The following MATR3 variants were observed in gnomAD, a reference collection of about 807,000 sequenced individuals.
The protein encoded by MATR3 is matrin 3, also known as matrin-3.
Under a neutral mutation model 85.5 loss-of-function variants are expected in MATR3, and 4 were observed. The ratio of observed to expected loss-of-function variants is 0.05; its 90% CI spans 0.02 to 0.11. MATR3 has a LOEUF of 0.11. MATR3 is among the 10% of genes least tolerant of loss of function. The probability of loss-of-function intolerance (pLI) is 1.00; values close to 1 mark genes in which losing one functional copy is unlikely to be tolerated. For missense variants in MATR3, 685 were observed against 1,016.1 expected (o/e 0.67, Z 4.43); for synonymous variants, 336 against 343.1 (o/e 0.98, Z 0.23).
chr5:139,303,392 G>C (rs192846472), intron 1 of MATR3, among the ~76,000 whole-genome samples: 6 of 152,242 alleles, frequency 3.9e-5, no homozygotes, highest in African/African-American at 1.4e-4. Context: ...GAGCCACTGC[G>C]CCCTGCCAGA....
chr5:139,276,666 AG>A (rs945564014), intron 2 of MATR3, among the ~76,000 whole-genome samples: 4 of 152,068 alleles, frequency 2.6e-5, no homozygotes, highest in African/African-American at 9.7e-5. Flanking sequence ...TAATGGGAAG[AG>A]GGGGTTGGTA....
chr5:139,307,154 C>A lies in MATR3; in HGVS notation c.-177-85C>A. ...GATCTTAAATGTTTTTTTTTTAAATCAACATGATGCATAAGTTTTTTTTTC... is the reference window on the plus strand; with the variant it reads ...GATCTTAAATGTTTTTTTTTTAAATAAACATGATGCATAAGTTTTTTTTTC... On this transcript the variant is annotated intron_variant, in intron 1 of 14. Transcript: ENST00000394805. The surrounding 1 kb of genome is among the most constrained non-coding windows in gnomAD (Gnocchi z 4.4). 1.1e-6 allele frequency: 1 copy of A among 931,174 alleles called. No individual in the cohort carries two copies. Among genetic ancestry groups the A allele is most frequent in the Non-Finnish European group, 1.3e-6 (1 of 742,760 alleles). The allele number at this position is 931,174 out of a possible 1,614,324, so 57.7% of individuals were successfully genotyped here.
At chr5:139,284,964 C>T (rs1305675265) in intron 3 of MATR3, among the ~76,000 whole-genome samples, 2 of 152,174 alleles carry the variant, frequency 1.3e-5, no homozygotes. Context: ...ACACTATTTA[C>T]TACATGTTGA....
chr5:139,327,304 G>GT (rs1194649334), intron 14 of MATR3, among the ~76,000 whole-genome samples: 11,349 of 119,058 alleles, frequency 0.095, 680 homozygotes, highest in African/African-American at 0.2. Context: ...TGTCACTTCT[G>GT]TTTTTTTTTT....
Position 139,330,257 on chromosome 5 carries a change from C to T in MATR3, c.*862C>T. ...TGGCCATAATCCTAGATGCACGCTT[C>T]TAATTCATGTACCTGCACATGTGAC... is the stretch of plus-strand genomic sequence containing the variant. On this transcript the variant is annotated 3_prime_UTR_variant, in exon 15 of 15. Transcript: ENST00000394805. The T allele has an allele frequency of 2.2e-6, 1 of 453,954 alleles. No individual in the cohort carries two copies. 28.1% of individuals were successfully genotyped at this position (453,954 alleles called of 1,614,324 possible).
intron 1 of MATR3, chr5:139,294,073 G>T: frequency 1.6e-6 from 2 of 1,261,362 alleles, no homozygotes; most frequent in Admixed American, 4.0e-5. Flanking sequence ...AAGGGCCCAG[G>T]GTGCGGCGGG....
Position 139,318,809 on chromosome 5 carries a change from G to A in MATR3, c.1309-99G>A, listed in dbSNP as rs79247048. On this transcript the variant is annotated intron_variant, in intron 7 of 14. Coordinates refer to ENST00000394805, the MANE Select transcript of MATR3 (RefSeq NM_018834.6). ...CTTAATGATTAAATATATCTGAAAAGATTTGGGGCATTGTTATTTTTTAGG... is the reference window on the plus strand; with the variant it reads ...CTTAATGATTAAATATATCTGAAAAAATTTGGGGCATTGTTATTTTTTAGG... 1.0e-4 allele frequency: 111 copies of A among 1,090,072 alleles called. 1 individual carries two copies. The East Asian group carries it at 2.6e-3, about 26-fold the overall frequency. The allele number at this position is 1,090,072 out of a possible 1,614,324, so 67.5% of individuals were successfully genotyped here. A position where few individuals can be genotyped will look rare whatever the true frequency, so the allele number is the denominator to read the frequency against.
chr5:139,320,962 T>C (rs193261964), intron 9 of MATR3, among the ~76,000 whole-genome samples: 7 of 147,992 alleles, frequency 4.7e-5, no homozygotes, highest in Non-Finnish European at 7.5e-5. Context: ...GGTTTCACCA[T>C]CCACAGGATG....
intron 12 of MATR3, among the ~76,000 whole-genome samples, chr5:139,325,095 A>T (rs2152020158): frequency 6.6e-6 from 1 of 152,194 alleles, no homozygotes; most frequent in East Asian, 1.9e-4. Flanking sequence ...CGGGAGGCTG[A>T]GGCAGGAGAA....
Position 139,274,209 on chromosome 5 carries a change from G to A in MATR3, c.-287+48G>A, listed in dbSNP as rs1286506171. 5 of 374,216 alleles carry A rather than the reference G, an allele frequency of 1.3e-5. No homozygotes were observed. In the Admixed American group the frequency reaches 1.8e-4, roughly 13 times the overall value. The allele number at this position is 374,216 out of a possible 1,614,324, so 23.2% of individuals were successfully genotyped here. A position where few individuals can be genotyped will look rare whatever the true frequency, so the allele number is the denominator to read the frequency against. ...GAGTCCTTGGAGGTTTCCCAGCCTG[G>A]GGAAAGAAGCAGTGCAGGGTGGCTT... On this transcript the variant is annotated intron_variant, in intron 1 of 16. Transcript: ENST00000509990.
At chr5:139,303,070 A>C (rs942525996) in intron 1 of MATR3, among the ~76,000 whole-genome samples, 2 of 149,912 alleles carry the variant, frequency 1.3e-5, no homozygotes, top group African/African-American at 4.9e-5. Flanking sequence ...TTTAATTCTG[A>C]CTACAAAGAC....
intron 2 of MATR3, chr5:139,312,910 C>A (rs552634853): frequency 6.6e-6 from 1 of 152,248 alleles, no homozygotes; most frequent in African/African-American, 2.4e-5. Context: ...CCTTGGCCTT[C>A]CAAAGTGCTG....
intron 2 of MATR3, chr5:139,278,244 T>TACAC (rs1300484797): frequency 4.6e-6 from 2 of 435,730 alleles, no homozygotes; most frequent in African/African-American, 4.1e-5. Context: ...TATATATATA[T>TACAC]ATATACACAC....
chr5:139,302,635 T>C (rs1754509968), intron 1 of MATR3, among the ~76,000 whole-genome samples: 2 of 152,238 alleles, frequency 1.3e-5, no homozygotes, highest in African/African-American at 4.8e-5. Flanking sequence ...ATCAATATTT[T>C]TGTGTGATTT....
intron 3 of MATR3, chr5:139,285,326 A>G (rs1482718013): frequency 6.6e-6 from 1 of 152,192 alleles, no homozygotes; most frequent in Non-Finnish European, 1.5e-5. Context: ...AGAACAAAAC[A>G]TAGTCTTTTA....
At chr5:139,295,490 C>T (rs1754099182) in intron 1 of MATR3, among the ~76,000 whole-genome samples, 1 of 152,156 alleles carries the variant, frequency 6.6e-6, no homozygotes, top group Non-Finnish European at 1.5e-5. Context: ...AGAGAAGTTT[C>T]GCTTTATCAT....
intron 3 of MATR3, among the ~76,000 whole-genome samples, chr5:139,281,319 T>C (rs1363881981): frequency 1.3e-5 from 2 of 151,640 alleles, no homozygotes; most frequent in African/African-American, 4.8e-5. Flanking sequence ...GGATTACAGA[T>C]GTCACTCTGC....
At chr5:139,303,493 G>A (rs1754557971) in intron 1 of MATR3, among the ~76,000 whole-genome samples, 1 of 152,184 alleles carries the variant, frequency 6.6e-6, no homozygotes, top group Admixed American at 6.5e-5. Context: ...AGCATTTTGG[G>A]AGGTCAAGGC....
At chr5:139,288,723 C>T (rs559682216) in intron 3 of MATR3, among the ~76,000 whole-genome samples, 2 of 152,264 alleles carry the variant, frequency 1.3e-5, no homozygotes, top group African/African-American at 4.8e-5. Flanking sequence ...TCACTGCAAG[C>T]TCCGCCTCCT....
Sources: allele counts gnomAD v4.1 joint callset (sites outside exome capture counted in the v4.1 genomes callset), GRCh38; gene constraint gnomAD v4.1.1; non-coding constraint Gnocchi (gnomAD v3.1); transcripts MANE v1.5; gene names NCBI Gene and HGNC (gene_info 2026-07-23, HGNC 2026-07-21).